POC1A: variants seen among roughly 807,000 people sequenced by gnomAD.
POC1A encodes POC1 centriolar protein homolog A.
POC1A carries 34 observed loss-of-function variants against 47.8 expected under a neutral mutation model. The ratio of observed to expected loss-of-function variants is 0.71; its 90% CI spans 0.54 to 0.95. The LOEUF is 0.95. Ranked by LOEUF, POC1A falls within the 40% of genes least tolerant of loss-of-function variation. The probability of loss-of-function intolerance (pLI) is 0.00; values close to 1 mark genes in which losing one functional copy is unlikely to be tolerated. For missense variants in POC1A, 466 were observed against 528.3 expected, an observed-to-expected ratio of 0.88 and a Z score of 1.16; for synonymous variants, 177 against 207.6, an observed-to-expected ratio of 0.85 and a Z score of 1.27.
intron 9 of POC1A, among the ~76,000 whole-genome samples, chr3:52,112,432 G>C (rs1052055151): frequency 2.6e-5 from 4 of 152,154 alleles, no homozygotes; most frequent in African/African-American, 9.7e-5. Flanking sequence ...CTGAAGTCAG[G>C]AGTTCAAGAC....
chr3:52,111,752 CAG>C (rs1177565596), intron 9 of POC1A, among the ~76,000 whole-genome samples: 3 of 151,362 alleles, frequency 2.0e-5, no homozygotes, highest in Non-Finnish European at 4.4e-5. Flanking sequence ...CTGGCTCAGA[CAG>C]AGACTCTCAC....
At position 52,149,311 on chromosome 3, in the gene POC1A, G is replaced by A. The variant is rs150866318; in HGVS notation, c.354C>T (p.Phe118=). 233 of 1,614,130 alleles carry A rather than the reference G, an allele frequency of 1.4e-4. 1 individual carries two copies. In the African/African-American group the frequency reaches 2.1e-3, roughly 15 times the overall value. The change falls in exon 4 of 11, where the codon TTC becomes TTT. Residue 118 remains phenylalanine, a synonymous_variant. Coordinates refer to ENST00000296484, the MANE Select transcript of POC1A (RefSeq NM_015426.5). ...SVHFCSDGQS[F]VTASDDKTVK... is the part of the protein sequence containing the mutation. ...CTGTCTTGTCGTCAGAGGCTGTCAC[G>A]AAGGACTGGCCATCACTGCAGAAGT...
intron 7 of POC1A, among the ~76,000 whole-genome samples, chr3:52,126,623 C>T (rs1429881026): frequency 6.6e-6 from 1 of 152,182 alleles, no homozygotes; most frequent in African/African-American, 2.4e-5. Context: ...ATATCTGAGA[C>T]TAAGTAATTC....
chr3:52,080,826 C>A (rs1702257142), intron 10 of POC1A, among the ~76,000 whole-genome samples: 1 of 152,230 alleles, frequency 6.6e-6, no homozygotes, highest in Non-Finnish European at 1.5e-5. Flanking sequence ...CAAGGTTCAA[C>A]TTTAAACAAG....
At chr3:52,124,146 G>C (rs1703904157) in intron 8 of POC1A, among the ~76,000 whole-genome samples, 1 of 152,226 alleles carries the variant, frequency 6.6e-6, no homozygotes, top group Admixed American at 6.5e-5. Flanking sequence ...TAAGAGACTG[G>C]GCAGTAGTGG....
chr3:52,150,177 C>T (rs1698512348), intron 2 of POC1A, among the ~76,000 whole-genome samples, 190 bp from the exon 3 acceptor site: 1 of 152,164 alleles, frequency 6.6e-6, no homozygotes, highest in Non-Finnish European at 1.5e-5. Context: ...AGCCTGTGGC[C>T]CAGAGTTCTC....
At chr3:52,083,015 T>C (rs1430151543) in intron 10 of POC1A, among the ~76,000 whole-genome samples, 2 of 152,158 alleles carry the variant, frequency 1.3e-5, no homozygotes, top group Admixed American at 6.5e-5. Context: ...CGCCCACCAA[T>C]GGCCCAAACT....
chr3:52,079,684 A>G lies in POC1A; in HGVS notation c.1126-3699T>C, dbSNP rs1459830771. Reference sequence around the variant, plus strand: ...ACTGCTTTGCCTGACACAAGCGTCCATGGCTTCTGGCTTTGGGGCAGGGTA... The same window carrying G: ...ACTGCTTTGCCTGACACAAGCGTCCGTGGCTTCTGGCTTTGGGGCAGGGTA... On this transcript the variant is annotated intron_variant, in intron 10 of 10. Coordinates refer to ENST00000296484, the MANE Select transcript of POC1A (RefSeq NM_015426.5). The surrounding 1 kb of genome is among the most constrained non-coding windows in gnomAD (Gnocchi z 4.6). Among the ~76,000 whole-genome samples, 1 of 152,200 alleles carries G rather than the reference A, an allele frequency of 6.6e-6. No homozygotes were observed. The highest frequency in any genetic ancestry group is 2.4e-5 in the African/African-American group (1 of 41,450).
intron 4 of POC1A, among the ~76,000 whole-genome samples, chr3:52,148,620 C>A (rs939090174): frequency 6.6e-6 from 1 of 152,258 alleles, no homozygotes; most frequent in Non-Finnish European, 1.5e-5. Context: ...GAAGGCTAGC[C>A]TCCAGGCTAA....
Position 52,075,910 on chromosome 3 carries a change from T to G in POC1A, c.1201A>C (p.Ile401Leu). The change falls in exon 11 of 11, where the codon ATC becomes CTC. Residue 401 changes from isoleucine (I) to leucine (L), a missense_variant. Coordinates refer to ENST00000296484, the MANE Select transcript of POC1A (RefSeq NM_015426.5). ...LKQCLENQQL[I>L]MQRATP ...GATCATGGTGTTGCTCTCTGCATGA[T>G]TAGCTGCTGGTTCTCCAGACACTGC... 6.2e-7 allele frequency: 1 copy of G among 1,613,818 alleles called. No individual in the cohort carries two copies. The highest frequency in any genetic ancestry group is 8.5e-7 in the Non-Finnish European group (1 of 1,179,714).
At chr3:52,145,126 T>A (rs1157962624) in intron 6 of POC1A, among the ~76,000 whole-genome samples, 1 of 152,146 alleles carries the variant, frequency 6.6e-6, no homozygotes, top group Non-Finnish European at 1.5e-5. Context: ...CCTGAGCCCA[T>A]CCCTGGAACT....
At chr3:52,130,929 C>A (rs1425943038) in intron 7 of POC1A, among the ~76,000 whole-genome samples, 1 of 152,148 alleles carries the variant, frequency 6.6e-6, no homozygotes, top group Non-Finnish European at 1.5e-5. Flanking sequence ...CAAGTTCCCA[C>A]CAACTAAGTC....
intron 9 of POC1A, among the ~76,000 whole-genome samples, chr3:52,118,071 G>A (rs1346276802): frequency 6.6e-6 from 1 of 152,128 alleles, no homozygotes; most frequent in Non-Finnish European, 1.5e-5. Flanking sequence ...CACGAGCACG[G>A]GCACCCAATG....
chr3:52,135,710 C>T (rs189676451), intron 7 of POC1A, among the ~76,000 whole-genome samples: 2 of 152,276 alleles, frequency 1.3e-5, no homozygotes, highest in Admixed American at 1.3e-4. Flanking sequence ...TCCTGGGCAT[C>T]CCTGCCCCAT....
chr3:52,148,264 C>T (rs1469079165), intron 4 of POC1A, among the ~76,000 whole-genome samples: 2 of 152,236 alleles, frequency 1.3e-5, no homozygotes, highest in African/African-American at 2.4e-5. Flanking sequence ...AGTTTGCTGG[C>T]CTGGCCCCTC....
At chr3:52,083,720 C>T (rs1039751759) in intron 10 of POC1A, among the ~76,000 whole-genome samples, 1 of 152,214 alleles carries the variant, frequency 6.6e-6, no homozygotes, top group African/African-American at 2.4e-5. Flanking sequence ...GGACTGAGCT[C>T]CAGGTGGAGT....
intron 10 of POC1A, among the ~76,000 whole-genome samples, chr3:52,082,376 G>C (rs569004159): frequency 6.6e-6 from 1 of 152,174 alleles, no homozygotes; most frequent in Non-Finnish European, 1.5e-5. Context: ...GGAGGATGCC[G>C]AGATGCTGGG....
chr3:52,151,628 A>AG (rs1432581414), intron 1 of POC1A, among the ~76,000 whole-genome samples: 1 of 151,562 alleles, frequency 6.6e-6, no homozygotes, highest in Admixed American at 6.6e-5. Context: ...AAAAAAAAAA[A>AG]AGGAATAATT....
chr3:52,147,092 G>A lies in POC1A; in HGVS notation c.459C>T (p.Phe153=), dbSNP rs780135352. 2 of 1,613,202 alleles carry A rather than the reference G, an allele frequency of 1.2e-6. No individual in the cohort carries two copies. The highest frequency in any genetic ancestry group is 1.3e-5 in the African/African-American group (1 of 75,050). The change falls in exon 5 of 11, where the codon TTC becomes TTT. Residue 153 remains phenylalanine, a synonymous_variant. Coordinates refer to ENST00000296484, the MANE Select transcript of POC1A (RefSeq NM_015426.5). The stretch of plus-strand genomic sequence containing the variant: ...ACACGATGAGCCGCCCGTCGGGGGA[G>A]AACCTGAACCGGGTGGGGCACAAGT... ...QHINWVRCAK[F]SPDGRLIVSA...
Sources: gnomAD v4.1 joint callset for allele counts (sites outside exome capture counted in the v4.1 genomes callset) on GRCh38, gnomAD v4.1.1 for gene constraint, Gnocchi (gnomAD v3.1) non-coding constraint, MANE v1.5 for transcripts, NCBI Gene and HGNC (gene_info 2026-07-23, HGNC 2026-07-21) for gene names.